FZD3: variants seen among roughly 807,000 people sequenced by gnomAD.
FZD3 encodes frizzled class receptor 3.
FZD3 carries 30 observed loss-of-function variants against 60.7 expected under a neutral mutation model. The ratio of observed to expected loss-of-function variants is 0.49; its 90% confidence interval spans 0.37 to 0.67. The LOEUF is 0.67. Among genes scored for constraint, FZD3 ranks in the 30% least tolerant of loss-of-function variants. The pLI is 0.00. For synonymous variants in FZD3, 246 were observed against 275.2 expected (o/e 0.89, Z 1.05); for missense variants, 605 against 838.7 (o/e 0.72, Z 3.44).
At chr8:28,557,454 A>G (rs1805532105) in intron 7 of FZD3, among the ~76,000 whole-genome samples, 1 of 152,128 alleles carries the variant, frequency 6.6e-6, no homozygotes, top group Non-Finnish European at 1.5e-5. Flanking sequence ...CTCCTAGTGT[A>G]GAATCCGATT....
intron 7 of FZD3, among the ~76,000 whole-genome samples, chr8:28,559,147 A>G (rs768933603): frequency 6.6e-6 from 1 of 152,198 alleles, no homozygotes. Flanking sequence ...TTAAAAATAG[A>G]CTTCAGCCAC....
rs1415133975 is a variant in FZD3, at chr8:28,565,076, GC to G, written c.*2067del. ...TCTTTCTTACCCTTTAAAACAAACT[GC>G]CAAGAAATTAGGTGTTGAAAAAGAA... On this transcript the variant is annotated 3_prime_UTR_variant, in exon 8 of 8. Transcript: ENST00000240093. The G allele has an allele frequency of 1.6e-4, 23 of 148,092 alleles. No homozygotes were observed. Among genetic ancestry groups the G allele is most frequent in the Non-Finnish European group, 2.8e-4 (19 of 66,680 alleles). The allele number at this position is 148,092 out of a possible 1,614,324, so 9.2% of individuals were successfully genotyped here.
At position 28,529,199 on chromosome 8, in the gene FZD3, C is replaced by T. The variant is rs112210601; in HGVS notation, c.1404+1035C>T. Among the ~76,000 whole-genome samples the T allele has an allele frequency of 9.4e-3, 1,426 of 152,124 alleles. 25 individuals are homozygous for T. Among genetic ancestry groups the T allele is most frequent in the African/African-American group, 0.032 (1,313 of 41,526 alleles). On this transcript the variant is annotated intron_variant, in intron 5 of 7. Coordinates refer to ENST00000240093, the MANE Select transcript of FZD3 (RefSeq NM_017412.4). The stretch of plus-strand genomic sequence containing the variant: ...CTCCCCAGATGCTGGTATTAACAGG[C>T]GTTAGTCACCATGCCAGCCTCTCTT...
At chr8:28,517,178 T>C (rs1804451596) in intron 3 of FZD3, among the ~76,000 whole-genome samples, 2 of 152,242 alleles carry the variant, frequency 1.3e-5, no homozygotes, top group African/African-American at 4.8e-5. Flanking sequence ...TATCTAAAAG[T>C]ATATTTGCCT....
At position 28,502,746 on chromosome 8, in the gene FZD3, A is replaced by G. The variant is rs1164439589; in HGVS notation, c.-268A>G. On this transcript the variant is annotated 5_prime_UTR_variant, in exon 3 of 8. Transcript: ENST00000240093. ...TTTGGGAATGTGGTTGATCAACTTG[A>G]TATGTTGGCCAAATGTGCCCCATGT... 1.2e-5 allele frequency: 3 copies of G among 248,348 alleles called. No individual in the cohort carries two copies. Among genetic ancestry groups the G allele is most frequent in the Non-Finnish European group, 2.3e-5 (3 of 131,010 alleles). 15.4% of individuals were successfully genotyped at this position (248,348 alleles called of 1,614,324 possible). A position where few individuals can be genotyped will look rare whatever the true frequency, so the allele number is the denominator to read the frequency against.
At position 28,571,484 on chromosome 8, in the gene FZD3, A is replaced by C. The variant is rs559338370; in HGVS notation, c.*8473A>C. ...TCATATATGGGACTCCCCAATGTGA[A>C]AATATTAGTCTGGACATTCTCTTGC... is the stretch of plus-strand genomic sequence containing the variant. On this transcript the variant is annotated 3_prime_UTR_variant, in exon 8 of 8. Coordinates refer to ENST00000240093, the MANE Select transcript of FZD3 (RefSeq NM_017412.4). 6.6e-6 allele frequency: 1 copy of C among 152,208 alleles called. No individual in the cohort carries two copies. Among genetic ancestry groups the C allele is most frequent in the Non-Finnish European group, 1.5e-5 (1 of 68,032 alleles). 9.4% of individuals were successfully genotyped at this position (152,208 alleles called of 1,614,324 possible).
chr8:28,503,139 T>C lies in FZD3; in HGVS notation c.126T>C (p.Asn42=), dbSNP rs1285039214. 3 of 1,613,594 alleles carry C rather than the reference T, an allele frequency of 1.9e-6. No individual in the cohort carries two copies. Among genetic ancestry groups the C allele is most frequent in the Non-Finnish European group, 2.5e-6 (3 of 1,179,546 alleles). Residue 42 remains asparagine (N), a synonymous_variant, in exon 3 of 8, where the codon AAT becomes AAC. Transcript: ENST00000240093. ...GGATGTGCCAAGATTTGCCTTATAA[T>C]ACTACCTTCATGCCTAATCTTCTGA... ...TLRMCQDLPY[N]TTFMPNLLNH...
In FZD3 at chr8:28,522,767, CTT is replaced by C. The variant is rs35662589; in HGVS notation, c.386+1953_386+1954del. 8.9e-3 allele frequency among the ~76,000 whole-genome samples: 858 copies of C among 96,810 alleles called. 2 individuals are homozygous for C. Among genetic ancestry groups the C allele is most frequent in the African/African-American group, 0.031 (768 of 25,002 alleles). 63.5% of individuals were successfully genotyped at this position (96,810 alleles called of 152,430 possible). A position where few individuals can be genotyped will look rare whatever the true frequency, so the allele number is the denominator to read the frequency against. The stretch of plus-strand genomic sequence containing the variant: ...CTTAAATTCTGAAAAAGGGAACTTT[CTT>C]TTTTTTTTTTTTTTTTTTTGAGATG... On this transcript the variant is annotated intron_variant, in intron 4 of 7. Transcript: ENST00000240093.
chr8:28,519,026 ATAGT>A (rs1422355118), intron 3 of FZD3, among the ~76,000 whole-genome samples: 5 of 152,188 alleles, frequency 3.3e-5, no homozygotes, highest in Admixed American at 2.0e-4. Context: ...AAAGTCATAG[ATAGT>A]TTATTGTTAT....
rs1805767266 is a variant in FZD3, at chr8:28,569,537, ATTC to A, written c.*6532_*6534del. ...TAATCATTATTTTGGTCTCATTTTT[ATTC>A]TTCTTATTCATCCCATGAACTAGAT... On this transcript the variant is annotated 3_prime_UTR_variant, in exon 8 of 8. Transcript: ENST00000240093. 6.6e-6 allele frequency: 1 copy of A among 151,748 alleles called. No individual in the cohort carries two copies. Among genetic ancestry groups the A allele is most frequent in the African/African-American group, 2.4e-5 (1 of 41,318 alleles). 9.4% of individuals were successfully genotyped at this position (151,748 alleles called of 1,614,324 possible).
At chr8:28,558,435 TA>T (rs1014711197) in intron 7 of FZD3, among the ~76,000 whole-genome samples, 1 of 95,616 alleles carries the variant, frequency 1.0e-5, no homozygotes, top group Non-Finnish European at 2.2e-5. Flanking sequence ...TTTATTTATT[TA>T]TTTTTTTTTT....
chr8:28,517,635 T>C (rs964471401), intron 3 of FZD3, among the ~76,000 whole-genome samples: 2 of 152,150 alleles, frequency 1.3e-5, no homozygotes, highest in African/African-American at 2.4e-5. Flanking sequence ...TGTGACCTTC[T>C]TTCTGTTTGA....
chr8:28,498,294 T>C (rs971161177), intron 1 of FZD3, among the ~76,000 whole-genome samples: 20 of 152,054 alleles, frequency 1.3e-4, no homozygotes, highest in African/African-American at 4.8e-4. Flanking sequence ...CCTTTTTTTT[T>C]CCAGTTGATA....
rs1286811170 is a variant in FZD3, at chr8:28,567,793, C to T, written c.*4782C>T. ...TAATATGTGTTATACCAGAGTATGC[C>T]TCAAATTTTATGTAGTTGAATTTGT... On this transcript the variant is annotated 3_prime_UTR_variant, in exon 8 of 8. Coordinates refer to ENST00000240093, the MANE Select transcript of FZD3 (RefSeq NM_017412.4). The T allele has an allele frequency of 6.6e-6, 1 of 151,922 alleles. No homozygotes were observed. The highest frequency in any genetic ancestry group is 2.4e-5 in the African/African-American group (1 of 41,366). The allele number at this position is 151,922 out of a possible 1,614,324, so 9.4% of individuals were successfully genotyped here.
chr8:28,555,231 G>C (rs1480978983), intron 6 of FZD3, among the ~76,000 whole-genome samples: 1 of 152,042 alleles, frequency 6.6e-6, no homozygotes, highest in African/African-American at 2.4e-5. Flanking sequence ...TAAAACAACT[G>C]CTCTTACAAC....
intron 3 of FZD3, 117 bp downstream of exon 3, chr8:28,503,319 A>G: frequency 1.8e-6 from 1 of 543,162 alleles, no homozygotes; most frequent in Non-Finnish European, 3.2e-6. Context: ...ATTTTAAATT[A>G]TATCTTATAA....
Position 28,562,911 on chromosome 8 carries a change from G to A in FZD3, c.1901G>A (p.Arg634Gln), listed in dbSNP as rs147574227. The change falls in exon 8 of 8, where the codon CGA becomes CAA. Residue 634 changes from arginine to glutamine, a missense_variant. Arg to Gln is a conservative substitution (Grantham distance 43). Transcript: ENST00000240093. The part of the protein sequence containing the change: ...SSSHRLNEQS[R>Q]HSSIRDLSNN... ...TCTCATCGGCTCAATGAACAGTCAC[G>A]ACATAGCAGCATCAGAGATCTCAGT... is the stretch of plus-strand genomic sequence containing the variant. 3.9e-4 allele frequency: 637 copies of A among 1,612,830 alleles called. No homozygotes were observed. The highest frequency in any genetic ancestry group is 5.2e-4 in the Non-Finnish European group (618 of 1,178,844).
intron 3 of FZD3, 82 bp downstream of exon 3, chr8:28,503,284 A>G (rs1804047956): frequency 1.4e-6 from 1 of 733,304 alleles, no homozygotes; most frequent in Non-Finnish European, 2.2e-6. Flanking sequence ...AATGTGTTTG[A>G]TAAACAACAG....
At chr8:28,544,235 T>C (rs1414471114) in intron 5 of FZD3, among the ~76,000 whole-genome samples, 1 of 152,178 alleles carries the variant, frequency 6.6e-6, no homozygotes, top group East Asian at 1.9e-4. Flanking sequence ...TACATTCATG[T>C]GTTCCTCCTT....
Sources: allele counts gnomAD v4.1 joint callset (sites outside exome capture counted in the v4.1 genomes callset), GRCh38; gene constraint gnomAD v4.1.1; transcripts MANE v1.5; gene names NCBI Gene and HGNC (gene_info 2026-07-23, HGNC 2026-07-21).